The following SMARCA2 variants were observed in gnomAD, a reference collection of about 807,000 sequenced individuals.
SMARCA2 encodes the protein SWI/SNF-related matrix-associated actin-dependent regulator of chromatin subfamily A member 2.
A neutral mutation model predicts 199.8 loss-of-function variants in SMARCA2; 61 were observed. The ratio of observed to expected loss-of-function variants is 0.31; its 90% CI spans 0.25 to 0.38. SMARCA2 has a LOEUF of 0.38. Among genes scored for constraint, SMARCA2 ranks in the 10% least tolerant of loss-of-function variants. The pLI is 1.00. For synonymous variants in SMARCA2, 935 were observed against 732.0 expected, an observed-to-expected ratio of 1.28 and a Z score of -4.48; for missense variants, 1,344 against 2,012.2, an observed-to-expected ratio of 0.67 and a Z score of 6.35.
At chr9:2,062,406 G>A (rs1248599063) in intron 9 of SMARCA2, among the ~76,000 whole-genome samples, 1 of 152,096 alleles carries the variant, frequency 6.6e-6, no homozygotes, top group Non-Finnish European at 1.5e-5. Context: ...ACATTTCTTT[G>A]TGATTAAAAG....
At chr9:2,178,299 T>A (rs1227732814) in intron 29 of SMARCA2, among the ~76,000 whole-genome samples, 4 of 152,168 alleles carry the variant, frequency 2.6e-5, no homozygotes, top group Non-Finnish European at 5.9e-5. Context: ...CCATGTCTCA[T>A]CAGAGCCATA....
At chr9:2,151,437 C>T (rs772837726) in intron 27 of SMARCA2, among the ~76,000 whole-genome samples, 3 of 151,354 alleles carry the variant, frequency 2.0e-5, no homozygotes, top group Non-Finnish European at 4.4e-5. Flanking sequence ...AGCTACAGTA[C>T]GAACCAGATT....
At chr9:2,055,899 C>T (rs1260520433) in intron 6 of SMARCA2, among the ~76,000 whole-genome samples, 4 of 152,130 alleles carry the variant, frequency 2.6e-5, no homozygotes, top group Non-Finnish European at 5.9e-5. Context: ...ATGACGGACT[C>T]TTATTGATTT....
intron 27 of SMARCA2, among the ~76,000 whole-genome samples, chr9:2,140,832 G>A (rs746288215): frequency 6.6e-6 from 1 of 152,072 alleles, no homozygotes; most frequent in Non-Finnish European, 1.5e-5. Flanking sequence ...CCGAGCCCCT[G>A]CCCGTTAGTG....
chr9:2,110,035 G>A lies in SMARCA2; in HGVS notation c.3293-219G>A, dbSNP rs759309850. Among the ~76,000 whole-genome samples, 3 of 152,182 alleles carry A rather than the reference G, an allele frequency of 2.0e-5. No individual in the cohort carries two copies. Among genetic ancestry groups the A allele is most frequent in the Non-Finnish European group, 4.4e-5 (3 of 68,024 alleles). ...TTTGTAAAATTTGTGAAGTTGCGAA[G>A]ATGCCTCATTAGAAATGTTTAAGCT... On this transcript the variant is annotated intron_variant, in intron 23 of 33. Coordinates refer to ENST00000349721, the MANE Select transcript of SMARCA2 (RefSeq NM_003070.5). This position sits in a 1 kb window ranked among gnomAD's most constrained non-coding sequence, Gnocchi z 4.8.
chr9:2,167,115 G>T lies in SMARCA2; in HGVS notation c.4200-3304G>T, dbSNP rs117515731. Among the ~76,000 whole-genome samples the T allele has an allele frequency of 3.9e-3, 593 of 152,286 alleles. 6 individuals carry two copies. Among genetic ancestry groups the T allele is most frequent in the Middle Eastern group, 0.027 (8 of 294 alleles). On this transcript the variant is annotated intron_variant, in intron 28 of 33. Transcript: ENST00000349721. ...GACATTTGCTTATCTCTAGTGTTCT[G>T]ATTCCATTTTTGTGCTCTGTGATTT...
At chr9:2,084,742 A>C (rs573407222) in intron 17 of SMARCA2, among the ~76,000 whole-genome samples, 1 of 152,036 alleles carries the variant, frequency 6.6e-6, no homozygotes. Flanking sequence ...TGTTGGAGTT[A>C]CTTAAGGTTG....
intron 27 of SMARCA2, among the ~76,000 whole-genome samples, chr9:2,126,287 C>T (rs1223279410): frequency 6.6e-6 from 1 of 152,228 alleles, no homozygotes; most frequent in Non-Finnish European, 1.5e-5. Flanking sequence ...AAACTGTTCT[C>T]AAAACAGCTT....
chr9:2,117,812 C>G (rs1481933607), intron 25 of SMARCA2, among the ~76,000 whole-genome samples: 1 of 152,214 alleles, frequency 6.6e-6, no homozygotes, highest in Non-Finnish European at 1.5e-5. Flanking sequence ...GCTCCTGTCC[C>G]TTCTTGGCTG....
intron 27 of SMARCA2, among the ~76,000 whole-genome samples, chr9:2,128,831 G>A (rs1823808511): frequency 6.6e-6 from 1 of 152,068 alleles, no homozygotes; most frequent in African/African-American, 2.4e-5. Context: ...AACACCCCAG[G>A]CTTGGATTCT....
chr9:2,130,443 C>A (rs1823893031), intron 27 of SMARCA2, among the ~76,000 whole-genome samples: 1 of 152,168 alleles, frequency 6.6e-6, no homozygotes, highest in Non-Finnish European at 1.5e-5. Context: ...ATTCACTACC[C>A]TATTTTGGAA....
intron 33 of SMARCA2, chr9:2,191,670 C>G (rs1447769672): frequency 3.0e-6 from 1 of 331,984 alleles, no homozygotes; most frequent in Non-Finnish European, 5.5e-6. Context: ...CCTTTTTAAT[C>G]TTCCCACATG....
At chr9:2,142,140 A>G (rs1276247495) in intron 27 of SMARCA2, among the ~76,000 whole-genome samples, 1 of 152,156 alleles carries the variant, frequency 6.6e-6, no homozygotes, top group East Asian at 1.9e-4. Flanking sequence ...GTCAAGTTGC[A>G]GATGCTCTAC....
intron 7 of SMARCA2, among the ~76,000 whole-genome samples, chr9:2,058,002 T>C (rs1040438423): frequency 2.0e-5 from 3 of 152,238 alleles, no homozygotes; most frequent in Non-Finnish European, 4.4e-5. Flanking sequence ...TTTGTAGGTC[T>C]CTTTCAGTCT....
At chr9:2,112,485 T>C (rs1304130192) in intron 24 of SMARCA2, among the ~76,000 whole-genome samples, 1 of 152,146 alleles carries the variant, frequency 6.6e-6, no homozygotes, top group Non-Finnish European at 1.5e-5. Context: ...TCTCATTTTT[T>C]TTTTTCGTAC....
intron 29 of SMARCA2, among the ~76,000 whole-genome samples, chr9:2,176,644 T>C (rs1302898139): frequency 6.6e-6 from 1 of 152,112 alleles, no homozygotes; most frequent in Non-Finnish European, 1.5e-5. Context: ...CTCTGCCTCC[T>C]GGGCTCAAGC....
intron 28 of SMARCA2, among the ~76,000 whole-genome samples, chr9:2,165,758 C>T (rs10491695): frequency 0.39 from 59,532 of 151,942 alleles, 11,882 homozygotes; most frequent in Admixed American, 0.43. Flanking sequence ...TAGAGTTAGA[C>T]GGTAAAGAGT....
At chr9:2,159,080 G>A (rs941379767) in intron 27 of SMARCA2, 2 of 1,440,004 alleles carry the variant, frequency 1.4e-6, no homozygotes, top group African/African-American at 1.4e-5. Flanking sequence ...TGTTCTGTTT[G>A]CAATTTAATT....
intron 27 of SMARCA2, among the ~76,000 whole-genome samples, chr9:2,157,336 C>T (rs1825419538): frequency 6.6e-6 from 1 of 152,144 alleles, no homozygotes; most frequent in Non-Finnish European, 1.5e-5. Context: ...GATGTGTGAG[C>T]TGTCCCCAGA....
Sources: gnomAD v4.1 joint callset for allele counts (sites outside exome capture counted in the v4.1 genomes callset) on GRCh38, gnomAD v4.1.1 for gene constraint, Gnocchi (gnomAD v3.1) non-coding constraint, MANE v1.5 for transcripts, NCBI Gene and HGNC (gene_info 2026-07-23, HGNC 2026-07-21) for gene names.